The following SV2C variants were observed in gnomAD, a reference collection of about 807,000 sequenced individuals.
SV2C encodes the protein synaptic vesicle glycoprotein 2C, also known as solute carrier family 22 member B3.
Under a neutral mutation model 79.7 loss-of-function variants are expected in SV2C, and 49 were observed. That is an observed-to-expected ratio of 0.61 (90% CI 0.49 to 0.78). The LOEUF (loss-of-function observed/expected upper bound fraction) is 0.78. Among genes scored for constraint, SV2C ranks in the 30% least tolerant of loss-of-function variants. The pLI is 0.00. For synonymous variants in SV2C, 334 were observed against 333.2 expected, an observed-to-expected ratio of 1.00 and a Z score of -0.03; for missense variants, 833 against 912.9, an observed-to-expected ratio of 0.91 and a Z score of 1.13.
chr5:76,229,173 C>G (rs1280296937), intron 4 of SV2C, among the ~76,000 whole-genome samples: 2 of 152,250 alleles, frequency 1.3e-5, no homozygotes, highest in Non-Finnish European at 2.9e-5. Context: ...CCTCCATCCT[C>G]CCCACTCTGC....
chr5:75,973,815 A>G, the SV2C span, among the ~76,000 whole-genome samples: 4 of 152,076 alleles, frequency 2.6e-5, no homozygotes, highest in African/African-American at 9.7e-5. Context: ...ATACAGCAGG[A>G]TCTCTCAAAC....
chr5:76,027,269 C>T, the SV2C span, among the ~76,000 whole-genome samples: 1 of 151,884 alleles, frequency 6.6e-6, no homozygotes, highest in Non-Finnish European at 1.5e-5. Flanking sequence ...ACCATGTTGT[C>T]CAGGCTGGTC....
At chr5:76,256,037 T>G (rs1746255081) in intron 4 of SV2C, among the ~76,000 whole-genome samples, 1 of 152,174 alleles carries the variant, frequency 6.6e-6, no homozygotes, top group Admixed American at 6.5e-5. Context: ...AGGCAAAAAA[T>G]GCCCCATTAA....
At chr5:75,946,304 G>T in the SV2C span, among the ~76,000 whole-genome samples, 1 of 151,990 alleles carries the variant, frequency 6.6e-6, no homozygotes, top group African/African-American at 2.4e-5. Flanking sequence ...AAATGTTTTA[G>T]CATCATTTTT....
chr5:76,291,446 C>T, intron 7 of SV2C, 115 bp downstream of exon 7: 1 of 751,534 alleles, frequency 1.3e-6, no homozygotes, highest in Non-Finnish European at 2.1e-6. Context: ...CTGCCCAGGA[C>T]ACCTGACTCC....
At chr5:75,860,451 A>G in the SV2C span, among the ~76,000 whole-genome samples, 4 of 152,242 alleles carry the variant, frequency 2.6e-5, no homozygotes, top group Admixed American at 6.5e-5. Context: ...ACACAAACAA[A>G]TGGAAAAACA....
At chr5:75,970,463 T>A in the SV2C span, among the ~76,000 whole-genome samples, 1 of 151,908 alleles carries the variant, frequency 6.6e-6, no homozygotes, top group Non-Finnish European at 1.5e-5. Flanking sequence ...AAGAATCAAA[T>A]AGACGCAATA....
At chr5:75,969,405 A>C in the SV2C span, among the ~76,000 whole-genome samples, 27 of 152,298 alleles carry the variant, frequency 1.8e-4, no homozygotes, top group Admixed American at 2.6e-4. Flanking sequence ...CAAGACCCAT[A>C]AGTGTGCTGT....
the SV2C span, among the ~76,000 whole-genome samples, chr5:76,026,754 GAACAAATAAAGATGA>G: frequency 6.6e-6 from 1 of 152,146 alleles, no homozygotes; most frequent in African/African-American, 2.4e-5. Context: ...AAAATAAAGA[GAACAAATAAAGATGA>G]TCCTAGGAGA....
At chr5:76,187,574 T>C (rs552748831) in intron 2 of SV2C, among the ~76,000 whole-genome samples, 1 of 152,318 alleles carries the variant, frequency 6.6e-6, no homozygotes, top group African/African-American at 2.4e-5. Flanking sequence ...TTCCCCCCTT[T>C]GTACATATGC....
At chr5:76,118,685 A>T (rs932345274) in intron 1 of SV2C, among the ~76,000 whole-genome samples, 2 of 152,170 alleles carry the variant, frequency 1.3e-5, no homozygotes, top group African/African-American at 2.4e-5. Context: ...ATTATATATT[A>T]AAAAAATCAA....
the SV2C span, among the ~76,000 whole-genome samples, chr5:75,927,060 A>G: frequency 6.6e-6 from 1 of 152,242 alleles, no homozygotes; most frequent in African/African-American, 2.4e-5. Context: ...CTCGAGGCAT[A>G]ATTTTTTCCA....
the SV2C span, among the ~76,000 whole-genome samples, chr5:75,895,673 GT>G: frequency 2.0e-5 from 3 of 152,016 alleles, no homozygotes; most frequent in Non-Finnish European, 2.9e-5. Flanking sequence ...CCTGGGCTGT[GT>G]TTTTTGGAGG....
At chr5:76,198,438 T>C (rs905206757) in intron 3 of SV2C, among the ~76,000 whole-genome samples, 3 of 152,162 alleles carry the variant, frequency 2.0e-5, no homozygotes, top group Admixed American at 1.3e-4. Flanking sequence ...AGCTCCCCTT[T>C]GCCCTCTCTC....
chr5:75,883,617 C>G, the SV2C span, among the ~76,000 whole-genome samples: 50 of 141,248 alleles, frequency 3.5e-4, no homozygotes, highest in East Asian at 5.2e-3. Flanking sequence ...TATTCTCACT[C>G]ATAGGTGGGA....
At chr5:76,257,621 G>A (rs1746327691) in intron 4 of SV2C, among the ~76,000 whole-genome samples, 1 of 151,376 alleles carries the variant, frequency 6.6e-6, no homozygotes, top group Admixed American at 6.6e-5. Flanking sequence ...AGATGGTAGT[G>A]TGTGTGGGTG....
In SV2C at chr5:76,300,822, A is replaced by G. The variant is rs1339709923; in HGVS notation, c.1730A>G (p.Tyr577Cys). 6.2e-7 allele frequency: 1 copy of G among 1,614,174 alleles called. No homozygotes were observed. Residue 577 changes from tyrosine to cysteine, a missense_variant, in exon 11 of 13, where the codon TAT (tyrosine) becomes TGT (cysteine). Transcript: ENST00000502798. ...TGCQITFDDD[Y>C]SAYWIYFVNF... ...TGTCAGATTACCTTTGATGATGACT[A>G]TAGTGCCTACTGGATTTATTTTGTC...
At chr5:76,042,073 G>C in the SV2C span, among the ~76,000 whole-genome samples, 1 of 152,192 alleles carries the variant, frequency 6.6e-6, no homozygotes, top group African/African-American at 2.4e-5. Flanking sequence ...ACAGCCCTTG[G>C]CTCTGTCCAG....
At chr5:76,199,352 G>GT (rs983450714) in intron 3 of SV2C, among the ~76,000 whole-genome samples, 3 of 151,826 alleles carry the variant, frequency 2.0e-5, no homozygotes, top group Non-Finnish European at 4.4e-5. Flanking sequence ...GTGCACATAG[G>GT]CCCCCGCACT....
Sources: allele counts gnomAD v4.1 joint callset (sites outside exome capture counted in the v4.1 genomes callset), GRCh38; gene constraint gnomAD v4.1.1; transcripts MANE v1.5; gene names NCBI Gene and HGNC (gene_info 2026-07-23, HGNC 2026-07-21).